The following NIM1K variants were observed in gnomAD, a reference collection of about 807,000 sequenced individuals.
The protein encoded by NIM1K is NIM1 serine/threonine protein kinase, also known as serine/threonine-protein kinase NIM1.
A neutral mutation model predicts 37.1 loss-of-function variants in NIM1K; 35 were observed. The ratio of observed to expected loss-of-function variants is 0.94; its 90% CI spans 0.72 to 1.25. NIM1K has a LOEUF of 1.25. Among genes scored for constraint, NIM1K ranks in the 50% most tolerant of loss-of-function variants. NIM1K has a pLI of 0.00. For missense variants in NIM1K, 564 were observed against 548.0 expected, an observed-to-expected ratio of 1.03 and a Z score of -0.29; for synonymous variants, 234 against 206.6, an observed-to-expected ratio of 1.13 and a Z score of -1.14.
At chr5:43,234,262 ATT>A in intron 1 of NIM1K, among the ~76,000 whole-genome samples, 2 of 152,154 alleles carry the variant, frequency 1.3e-5, no homozygotes, top group Non-Finnish European at 2.9e-5. Context: ...TCATTCATTC[ATT>A]CATTCATTCA....
At position 43,227,214 on chromosome 5, in the gene NIM1K, G is replaced by A. The variant is rs939632486; in HGVS notation, c.-694-17868G>A. ...TGTCTCTACTAAAAATACAAAATTA[G>A]CCCGGCATGGTGGCGCATGCTGGTA... is the stretch of plus-strand genomic sequence containing the variant. On this transcript the variant is annotated intron_variant, in intron 1 of 3. Coordinates refer to ENST00000326035, the MANE Select transcript of NIM1K (RefSeq NM_153361.4). Among the ~76,000 whole-genome samples, 5 of 152,040 alleles carry A rather than the reference G, an allele frequency of 3.3e-5. 1 individual carries two copies. The highest frequency in any genetic ancestry group is 7.2e-5 in the African/African-American group (3 of 41,412).
chr5:43,220,508 T>C (rs933772269), intron 1 of NIM1K, among the ~76,000 whole-genome samples: 1 of 152,158 alleles, frequency 6.6e-6, no homozygotes, highest in African/African-American at 2.4e-5. Context: ...CGCAAACTCC[T>C]GACCTCAGGT....
At chr5:43,235,386 T>G (rs181543561) in intron 1 of NIM1K, among the ~76,000 whole-genome samples, 1 of 152,348 alleles carries the variant, frequency 6.6e-6, no homozygotes, top group African/African-American at 2.4e-5. Context: ...TTGAGTCTCT[T>G]AAGCATTTTT....
intron 1 of NIM1K, among the ~76,000 whole-genome samples, chr5:43,226,617 T>C (rs1046950121): frequency 2.0e-5 from 3 of 152,180 alleles, no homozygotes; most frequent in African/African-American, 7.2e-5. Context: ...AGGACAGTAG[T>C]TTTTCCTAAA....
intron 2 of NIM1K, among the ~76,000 whole-genome samples, chr5:43,263,614 A>G (rs534929640): frequency 2.7e-5 from 4 of 149,716 alleles, no homozygotes; most frequent in African/African-American, 9.8e-5. Flanking sequence ...TGGTGTCTCC[A>G]TCTCCTTCAG....
intron 1 of NIM1K, among the ~76,000 whole-genome samples, chr5:43,244,743 C>A (rs531713342): frequency 6.6e-6 from 1 of 152,002 alleles, no homozygotes; most frequent in Non-Finnish European, 1.5e-5. Context: ...ATTAGTAATC[C>A]AGAATCTTTC....
rs138200751 is a variant in NIM1K at position 43,228,696 on chromosome 5, C to T, written c.-694-16386C>T. Reference sequence around the variant, plus strand: ...AACCCTAAAAATCAGCTAGGTGTGGCAGGGCACATCTGTGATCCCAGCTAC... The same window carrying T: ...AACCCTAAAAATCAGCTAGGTGTGGTAGGGCACATCTGTGATCCCAGCTAC... On this transcript the variant is annotated intron_variant, in intron 1 of 3. Coordinates refer to ENST00000326035, the MANE Select transcript of NIM1K (RefSeq NM_153361.4). Among the ~76,000 whole-genome samples, 1,024 of 150,834 alleles carry T rather than the reference C, an allele frequency of 6.8e-3. 5 individuals are homozygous for T. Among genetic ancestry groups the T allele is most frequent in the Middle Eastern group, 0.034 (10 of 290 alleles).
intron 1 of NIM1K, chr5:43,232,754 T>C: frequency 8.4e-7 from 1 of 1,190,376 alleles, no homozygotes; most frequent in Non-Finnish European, 1.2e-6. Flanking sequence ...TCACCAAAGC[T>C]GTGGAAAAAC....
At chr5:43,205,751 T>C (rs1026858004) in intron 1 of NIM1K, among the ~76,000 whole-genome samples, 1 of 152,166 alleles carries the variant, frequency 6.6e-6, no homozygotes, top group Admixed American at 6.5e-5. Flanking sequence ...CTTGCTCTGT[T>C]GCCCAGGCTG....
intron 1 of NIM1K, among the ~76,000 whole-genome samples, chr5:43,204,610 A>T (rs57412930): frequency 1.3e-5 from 2 of 151,180 alleles, no homozygotes; most frequent in African/African-American, 4.9e-5. Context: ...GAGGCGGAGG[A>T]ACAAGAATCA....
At chr5:43,196,700 G>C (rs1485815084) in intron 1 of NIM1K, among the ~76,000 whole-genome samples, 2 of 152,050 alleles carry the variant, frequency 1.3e-5, no homozygotes, top group Non-Finnish European at 2.9e-5. Context: ...CCAGTCTCCA[G>C]AGGCAATCAT....
intron 2 of NIM1K, among the ~76,000 whole-genome samples, chr5:43,246,625 T>C (rs1357193963): frequency 6.6e-6 from 1 of 152,240 alleles, no homozygotes; most frequent in Admixed American, 6.5e-5. Context: ...TCTGTCATAT[T>C]TGAGAAAAAG....
intron 1 of NIM1K, among the ~76,000 whole-genome samples, chr5:43,228,938 G>T (rs565544774): frequency 6.6e-6 from 1 of 152,136 alleles, no homozygotes; most frequent in Non-Finnish European, 1.5e-5. Flanking sequence ...TCAAACCAAT[G>T]AAATTTAGAT....
At chr5:43,217,489 C>G (rs961806841) in intron 1 of NIM1K, among the ~76,000 whole-genome samples, 3 of 150,314 alleles carry the variant, frequency 2.0e-5, no homozygotes, top group Non-Finnish European at 4.4e-5. Context: ...AAGTCCTGCA[C>G]CATATTACGT....
chr5:43,216,705 G>C (rs1398445006), intron 1 of NIM1K, among the ~76,000 whole-genome samples: 1 of 152,196 alleles, frequency 6.6e-6, no homozygotes, highest in Non-Finnish European at 1.5e-5. Flanking sequence ...ATTTTGGACA[G>C]TTTGAGCAAA....
At chr5:43,214,813 C>CAAA (rs369233525) in intron 1 of NIM1K, among the ~76,000 whole-genome samples, 18 of 71,676 alleles carry the variant, frequency 2.5e-4, no homozygotes, top group Non-Finnish European at 3.4e-4. Context: ...GACTCCGTCT[C>CAAA]AAAAAAAAAA....
At position 43,277,811 on chromosome 5, in the gene NIM1K, TGTGTGAGA is replaced by T. The variant is rs1208122195; in HGVS notation, c.561+488_561+495del. Among the ~76,000 whole-genome samples the T allele has an allele frequency of 1.2e-3, 170 of 146,974 alleles. No individual in the cohort carries two copies. The Middle Eastern group carries it at 0.031, about 27-fold the overall frequency. ...GTGTGTGTGTGTGTGTGTGTGTGTG[TGTGTGAGA>T]GAGAGAGAGAGAGAGAGAGAGAGAT... On this transcript the variant is annotated intron_variant, in intron 3 of 3. Transcript: ENST00000326035.
chr5:43,232,813 T>A (rs989207573), intron 1 of NIM1K: 2 of 1,055,138 alleles, frequency 1.9e-6, no homozygotes, highest in African/African-American at 1.6e-5. Flanking sequence ...ACAAATTTGG[T>A]CCAAAACGAG....
rs764167270 is a variant in NIM1K, at chr5:43,245,759, G to T, written c.-17G>T. 7.1e-6 allele frequency: 11 copies of T among 1,556,670 alleles called. No homozygotes were observed. The African/African-American group carries it at 1.1e-4, about 15-fold the overall frequency. On this transcript the variant is annotated 5_prime_UTR_variant, in exon 2 of 4. Transcript: ENST00000326035. ...CCTGCCTCTTCGCTGAGATGGAGAC[G>T]TGAGCCCCCGTGGACGATGACTGCA...
Sources: gnomAD v4.1 joint callset for allele counts (sites outside exome capture counted in the v4.1 genomes callset) on GRCh38, gnomAD v4.1.1 for gene constraint, MANE v1.5 for transcripts, NCBI Gene and HGNC (gene_info 2026-07-23, HGNC 2026-07-21) for gene names.